OR4D2: variants seen among roughly 807,000 people sequenced by gnomAD.
OR4D2 encodes the protein olfactory receptor 4D2.
In OR4D2, 9 loss-of-function variants were observed where a neutral mutation model predicts 12.4. The ratio of observed to expected loss-of-function variants is 0.73; its 90% confidence interval spans 0.44 to 1.27. OR4D2 has a LOEUF of 1.27. Among genes scored for constraint, OR4D2 ranks in the 50% most tolerant of loss-of-function variants. OR4D2 has a pLI of 0.00. For missense variants in OR4D2, 373 were observed against 381.6 expected (o/e 0.98, Z 0.19); for synonymous variants, 151 against 151.1 (o/e 1.00, Z 0.01).
chr17:58,169,064 T>G (rs1967926353), intron 1 of OR4D2, among the ~76,000 whole-genome samples: 1 of 152,156 alleles, frequency 6.6e-6, no homozygotes, highest in Non-Finnish European at 1.5e-5. Context: ...ACAAGGAAAA[T>G]CCATTAACAC....
In OR4D2 at chr17:58,170,356, G is replaced by T; in HGVS notation, c.701G>T (p.Arg234Met). ...MLRSHPGEAR[R>M]KAASTCTTHI... The stretch of plus-strand genomic sequence containing the variant: ...AGGTCACATCCAGGGGAGGCAAGAA[G>T]GAAGGCAGCTTCCACCTGCACCACC... Residue 234 changes from arginine to methionine, a missense_variant, in exon 2 of 2, where the codon AGG (arginine) becomes ATG (methionine). Transcript: ENST00000545221. 1 of 1,614,208 alleles carries T rather than the reference G, an allele frequency of 6.2e-7. No individual in the cohort carries two copies. Among genetic ancestry groups the T allele is most frequent in the Non-Finnish European group, 8.5e-7 (1 of 1,180,030 alleles).
Position 58,170,599 on chromosome 17 carries a change from C to T in OR4D2, c.*20C>T. The T allele has an allele frequency of 6.3e-7, 1 of 1,594,360 alleles. No homozygotes were observed. The highest frequency in any genetic ancestry group is 8.6e-7 in the Non-Finnish European group (1 of 1,162,058). On this transcript the variant is annotated 3_prime_UTR_variant, in exon 2 of 2. Coordinates refer to ENST00000545221, the MANE Select transcript of OR4D2 (RefSeq NM_001004707.4). Reference sequence around the variant, plus strand: ...GTTTGAGAGTGACAATGGTAGGTTTCTTCTCTTTGGCTTTGTTTTCCCTTT... The same window carrying T: ...GTTTGAGAGTGACAATGGTAGGTTTTTTCTCTTTGGCTTTGTTTTCCCTTT...
At position 58,170,926 on chromosome 17, in the gene OR4D2, C is replaced by T. The variant is rs556131468; in HGVS notation, c.*347C>T. 1 of 334,370 alleles carries T rather than the reference C, an allele frequency of 3.0e-6. No individual in the cohort carries two copies. Among genetic ancestry groups the T allele is most frequent in the East Asian group, 8.6e-5 (1 of 11,608 alleles). The allele number at this position is 334,370 out of a possible 1,614,324, so 20.7% of individuals were successfully genotyped here. On this transcript the variant is annotated 3_prime_UTR_variant, in exon 2 of 2. Transcript: ENST00000545221. ...ATTTTGAGCTCTCTTCCCAATATTTCCTTTTGGTGTGAGTCTGGGTTGTTG... is the reference window on the plus strand; with the variant it reads ...ATTTTGAGCTCTCTTCCCAATATTTTCTTTTGGTGTGAGTCTGGGTTGTTG...
rs1303129553 is a variant in OR4D2 at position 58,169,622 on chromosome 17, G to A, written c.-18-16G>A. 6.5e-7 allele frequency: 1 copy of A among 1,542,756 alleles called. No individual in the cohort carries two copies. The highest frequency in any genetic ancestry group is 1.7e-5 in the Admixed American group (1 of 59,902). ...AGTGACTTCATGTATCTGTGTCTGTGGTTCATTTTCTTCAGGTGTATGGAG... is the reference window on the plus strand; with the variant it reads ...AGTGACTTCATGTATCTGTGTCTGTAGTTCATTTTCTTCAGGTGTATGGAG... On this transcript the variant is annotated splice_polypyrimidine_tract_variant and intron_variant, in intron 1 of 1. Transcript: ENST00000545221.
chr17:58,168,282 C>T (rs1967915185), intron 1 of OR4D2, among the ~76,000 whole-genome samples: 1 of 151,960 alleles, frequency 6.6e-6, no homozygotes, highest in South Asian at 2.1e-4. Context: ...CCTCCACTCA[C>T]TGCAGCCTCC....
rs35905234 is a variant in OR4D2 at position 58,169,757 on chromosome 17, C to G, written c.102C>G (p.Val34=). The change falls in exon 2 of 2, where the codon GTC becomes GTG. Residue 34 remains valine, a synonymous_variant. Coordinates refer to ENST00000545221, the MANE Select transcript of OR4D2 (RefSeq NM_001004707.4). ...TCCTGTTTCTAATGTTCCTGTTTGT[C>G]TACATCACCACTGTTATGGGAAACA... ...QRFLFLMFLF[V]YITTVMGNIL... 1 of 1,613,956 alleles carries G rather than the reference C, an allele frequency of 6.2e-7. No homozygotes were observed. Among genetic ancestry groups the G allele is most frequent in the Non-Finnish European group, 8.5e-7 (1 of 1,179,860 alleles).
At position 58,170,440 on chromosome 17, in the gene OR4D2, T is replaced by C. The variant is rs761415491; in HGVS notation, c.785T>C (p.Phe262Ser). Residue 262 changes from phenylalanine (F) to serine (S), a missense_variant, in exon 2 of 2, where the codon TTC becomes TCC. Coordinates refer to ENST00000545221, the MANE Select transcript of OR4D2 (RefSeq NM_001004707.4). ...VPSIYLYARPFTPFPMDKLVS... is the reference protein window; with the variant it reads ...VPSIYLYARPSTPFPMDKLVS... ...AGCATTTACCTCTATGCCCGGCCCT[T>C]CACTCCATTCCCTATGGACAAGCTT... is the stretch of plus-strand genomic sequence containing the variant. 1 of 1,614,166 alleles carries C rather than the reference T, an allele frequency of 6.2e-7. No homozygotes were observed. The highest frequency in any genetic ancestry group is 8.5e-7 in the Non-Finnish European group (1 of 1,180,030).
Position 58,170,284 on chromosome 17 carries a change from G to T in OR4D2, c.629G>T (p.Trp210Leu). The change falls in exon 2 of 2, where the codon TGG becomes TTG. Residue 210 changes from tryptophan (W) to leucine (L), a missense_variant. By Grantham distance (61) the Trp-to-Leu change is moderately conservative. Coordinates refer to ENST00000545221, the MANE Select transcript of OR4D2 (RefSeq NM_001004707.4). ...AACAGTGGGCTGCTGGATGTCGTCT[G>T]GTTCTTCCTCCTCCTGATGTCCTAC... ...ISNSGLLDVV[W>L]FFLLLMSYLF... 6.2e-7 allele frequency: 1 copy of T among 1,614,190 alleles called. No individual in the cohort carries two copies. Among genetic ancestry groups the T allele is most frequent in the Middle Eastern group, 1.6e-4 (1 of 6,062 alleles).
Position 58,170,178 on chromosome 17 carries a change from GATA to G in OR4D2, c.525_527del (p.Asn176del). 1 of 1,614,174 alleles carries G rather than the reference GATA, an allele frequency of 6.2e-7. No individual in the cohort carries two copies. The highest frequency in any genetic ancestry group is 8.5e-7 in the Non-Finnish European group (1 of 1,180,030). On this transcript the variant is annotated inframe_deletion, in exon 2 of 2. Coordinates refer to ENST00000545221, the MANE Select transcript of OR4D2 (RefSeq NM_001004707.4). ...GCCCTTCTGTGGCCCCAACATTTTGGATAACTTCTACTGTGATGTTCCCCAAGT... is the reference window on the plus strand; with the variant it reads ...GCCCTTCTGTGGCCCCAACATTTTGGACTTCTACTGTGATGTTCCCCAAGT...
Position 58,169,884 on chromosome 17 carries a change from A to G in OR4D2, c.229A>G (p.Thr77Ala), listed in dbSNP as rs755023715. The G allele has an allele frequency of 1.2e-6, 2 of 1,613,946 alleles. No individual in the cohort carries two copies. Among genetic ancestry groups the G allele is most frequent in the African/African-American group, 1.3e-5 (1 of 74,878 alleles). Reference protein sequence around the residue: ...AVLDLCFSSVTAPKMLVDLLS... With the variant: ...AVLDLCFSSVAAPKMLVDLLS... ...CCTAGACCTCTGTTTCTCTTCAGTC[A>G]CTGCTCCCAAAATGCTAGTGGACCT... The change falls in exon 2 of 2, where the codon ACT becomes GCT. Residue 77 changes from threonine (T) to alanine (A), a missense_variant. Transcript: ENST00000545221.
In OR4D2 at chr17:58,170,264, T is replaced by C. The variant is rs1476118951; in HGVS notation, c.609T>C (p.Ser203=). 3.1e-6 allele frequency: 5 copies of C among 1,614,122 alleles called. No homozygotes were observed. The highest frequency in any genetic ancestry group is 4.2e-6 in the Non-Finnish European group (5 of 1,179,964). Residue 203 remains serine, a synonymous_variant, in exon 2 of 2, where the codon AGT becomes AGC. Coordinates refer to ENST00000545221, the MANE Select transcript of OR4D2 (RefSeq NM_001004707.4). ...TGGAGTTCCTCAAGATCTCCAACAGTGGGCTGCTGGATGTCGTCTGGTTCT... is the reference window on the plus strand; with the variant it reads ...TGGAGTTCCTCAAGATCTCCAACAGCGGGCTGCTGGATGTCGTCTGGTTCT... ...SLLEFLKISN[S]GLLDVVWFFL...
rs771189315 is a variant in OR4D2, at chr17:58,170,224, C to CGT, written c.569_570insGT (p.Asp191LeufsTer26). 6.2e-7 allele frequency: 1 copy of CGT among 1,614,004 alleles called. No homozygotes were observed. Among genetic ancestry groups the CGT allele is most frequent in the Admixed American group, 1.7e-5 (1 of 60,024 alleles). ...CCCCAAGTACTGAGACTTGCCTGCA[C>CGT]TGACACCTCACTGCTGGAGTTCCTC... On this transcript the variant is annotated frameshift_variant, in exon 2 of 2. Coordinates refer to ENST00000545221, the MANE Select transcript of OR4D2 (RefSeq NM_001004707.4). LOFTEE classifies it high-confidence loss of function.
Position 58,169,708 on chromosome 17 carries a change from C to T in OR4D2, c.53C>T (p.Ser18Leu), listed in dbSNP as rs568882234. 1.1e-5 allele frequency: 17 copies of T among 1,614,104 alleles called. No individual in the cohort carries two copies. The East Asian group carries it at 2.5e-4, about 23-fold the overall frequency. ...WVSDFVFLGL[S>L]QTRELQRFLF... ...TCAGACTTTGTCTTCCTGGGGCTCT[C>T]GCAGACTCGGGAGCTCCAGCGTTTC... The change falls in exon 2 of 2, where the codon TCG becomes TTG. Residue 18 changes from serine to leucine, a missense_variant. Physicochemically the swap from Ser to Leu is moderately radical, Grantham distance 145. Transcript: ENST00000545221.
rs75542425 is a variant in OR4D2, at chr17:58,170,785, C to T, written c.*206C>T. The T allele has an allele frequency of 0.079, 45,478 of 578,142 alleles. 2,117 individuals carry two copies. The highest frequency in any genetic ancestry group is 0.13 in the Middle Eastern group (288 of 2,156). The allele number at this position is 578,142 out of a possible 1,614,324, so 35.8% of individuals were successfully genotyped here. ...TTGTGATAAAGAGTTTTAACACACT[C>T]GCAACAATGAGAATTGTTCACATGG... On this transcript the variant is annotated 3_prime_UTR_variant, in exon 2 of 2. Coordinates refer to ENST00000545221, the MANE Select transcript of OR4D2 (RefSeq NM_001004707.4).
intron 1 of OR4D2, among the ~76,000 whole-genome samples, chr17:58,167,999 C>CAAAAAAAAAAAAAA: frequency 2.5e-5 from 1 of 39,226 alleles, no homozygotes; most frequent in Non-Finnish European, 5.2e-5. Context: ...GACTCCGTCA[C>CAAAAAAAAAAAAAA]AAAAAAAAAA....
chr17:58,169,398 C>A (rs1427972465), intron 1 of OR4D2: 6 of 523,160 alleles, frequency 1.1e-5, no homozygotes, highest in Non-Finnish European at 2.0e-5. Context: ...AGTGTCTTCC[C>A]ACCACTATAT....
rs148589207 is a variant in OR4D2 at position 58,169,845 on chromosome 17, C to T, written c.190C>T (p.Arg64Ter). Reference sequence around the variant, plus strand: ...CCACACACCCATGTACTTTCTGCTCCGAAACCTGGCTGTCCTAGACCTCTG... The same window carrying T: ...CCACACACCCATGTACTTTCTGCTCTGAAACCTGGCTGTCCTAGACCTCTG... ...QLHTPMYFLLRNLAVLDLCFS... is the reference protein window; with the variant it reads ...QLHTPMYFLL The change falls in exon 2 of 2, where the codon CGA becomes TGA. Residue 64 changes from arginine to a stop codon, truncating the protein, a stop_gained. Transcript: ENST00000545221. LOFTEE classifies it high-confidence loss of function. 61 of 1,614,048 alleles carry T rather than the reference C, an allele frequency of 3.8e-5. No homozygotes were observed. Among genetic ancestry groups the T allele is most frequent in the Admixed American group, 2.3e-4 (14 of 60,008 alleles).
chr17:58,170,058 G>C lies in OR4D2; in HGVS notation c.403G>C (p.Val135Leu). Residue 135 changes from valine (V) to leucine (L), a missense_variant, in exon 2 of 2, where the codon GTC becomes CTC. Coordinates refer to ENST00000545221, the MANE Select transcript of OR4D2 (RefSeq NM_001004707.4). ...AISRPLRYVT[V>L]MNTQLWVGLV... ...CTCCCGGCCCCTCCGCTATGTCACCGTCATGAACACTCAGCTCTGGGTGGG... is the reference window on the plus strand; with the variant it reads ...CTCCCGGCCCCTCCGCTATGTCACCCTCATGAACACTCAGCTCTGGGTGGG... 1 of 1,614,000 alleles carries C rather than the reference G, an allele frequency of 6.2e-7. No homozygotes were observed. Among genetic ancestry groups the C allele is most frequent in the African/African-American group, 1.3e-5 (1 of 75,022 alleles).
chr17:58,170,161 G>A lies in OR4D2; in HGVS notation c.506G>A (p.Cys169Tyr). 6.2e-7 allele frequency: 1 copy of A among 1,614,162 alleles called. No individual in the cohort carries two copies. The highest frequency in any genetic ancestry group is 1.1e-5 in the South Asian group (1 of 91,086). The change falls in exon 2 of 2, where the codon TGT (cysteine) becomes TAT (tyrosine). Residue 169 changes from cysteine to tyrosine, a missense_variant. Transcript: ENST00000545221. ...GCTCTGATGCTCCCACTGCCCTTCT[G>A]TGGCCCCAACATTTTGGATAACTTC... is the stretch of plus-strand genomic sequence containing the variant. The part of the protein sequence containing the change: ...QLALMLPLPF[C>Y]GPNILDNFYC...
Sources: gnomAD v4.1 joint callset for allele counts (sites outside exome capture counted in the v4.1 genomes callset) on GRCh38, gnomAD v4.1.1 for gene constraint, MANE v1.5 for transcripts, NCBI Gene and HGNC (gene_info 2026-07-23, HGNC 2026-07-21) for gene names.